The following SLC6A11 variants were observed in gnomAD, a reference collection of about 807,000 sequenced individuals.
SLC6A11 encodes the protein solute carrier family 6 member 11.
SLC6A11 carries 25 observed loss-of-function variants against 74.8 expected under a neutral mutation model. The ratio of observed to expected loss-of-function variants is 0.33; its 90% confidence interval spans 0.24 to 0.47. SLC6A11 has a LOEUF of 0.47. Ranked by LOEUF, SLC6A11 falls within the 20% of genes least tolerant of loss-of-function variation. The pLI is 1.00. For synonymous variants in SLC6A11, 330 were observed against 330.2 expected, an observed-to-expected ratio of 1.00 and a Z score of 0.01; for missense variants, 574 against 837.0, an observed-to-expected ratio of 0.69 and a Z score of 3.88.
chr3:10,915,808 G>A lies in SLC6A11; in HGVS notation c.996-2521G>A, dbSNP rs1465518660. ...GGAAGTCACTCAACAGACCTGTGCA[G>A]GAAGATGGGAATTTTTTAACAAGGG... On this transcript the variant is annotated intron_variant, in intron 7 of 13. Transcript: ENST00000254488. The surrounding 1 kb of genome is among the most constrained non-coding windows in gnomAD (Gnocchi z 4.3). 6.6e-6 allele frequency among the ~76,000 whole-genome samples: 1 copy of A among 152,218 alleles called. No individual in the cohort carries two copies. The highest frequency in any genetic ancestry group is 1.5e-5 in the Non-Finnish European group (1 of 68,052).
At chr3:10,862,259 A>G (rs1432274627) in intron 5 of SLC6A11, among the ~76,000 whole-genome samples, 1 of 152,182 alleles carries the variant, frequency 6.6e-6, no homozygotes, top group East Asian at 1.9e-4. Context: ...CAGGCAGTAA[A>G]TAATAACTCC....
At position 10,873,191 on chromosome 3, in the gene SLC6A11, G is replaced by C. The variant is rs190757999; in HGVS notation, c.757-1770G>C. Reference sequence around the variant, plus strand: ...TCTTGTGCGAGGAAGCTCAGAGGAGGTTTGTGTCTTTCACTGTCTTGATTC... The same window carrying C: ...TCTTGTGCGAGGAAGCTCAGAGGAGCTTTGTGTCTTTCACTGTCTTGATTC... On this transcript the variant is annotated intron_variant, in intron 5 of 13. Transcript: ENST00000254488. 2.4e-3 allele frequency among the ~76,000 whole-genome samples: 359 copies of C among 152,302 alleles called. 1 individual carries two copies. The highest frequency in any genetic ancestry group is 8.2e-3 in the African/African-American group (342 of 41,550).
chr3:10,916,575 A>G (rs944655285), intron 7 of SLC6A11, among the ~76,000 whole-genome samples: 2 of 152,186 alleles, frequency 1.3e-5, no homozygotes, highest in African/African-American at 4.8e-5. Context: ...TCTCATAGAA[A>G]ATCACAGAAA....
intron 13 of SLC6A11, among the ~76,000 whole-genome samples, chr3:10,936,131 C>CA (rs1370796987): frequency 2.0e-5 from 3 of 152,230 alleles, no homozygotes; most frequent in African/African-American, 7.2e-5. Context: ...GTAAACAGCA[C>CA]AGGGTGTTTG....
At chr3:10,919,121 G>C (rs1695499967) in intron 8 of SLC6A11, among the ~76,000 whole-genome samples, 1 of 152,062 alleles carries the variant, frequency 6.6e-6, no homozygotes, top group South Asian at 2.1e-4. Flanking sequence ...TCTAGACATA[G>C]AATCACCATG....
rs1455814502 is a variant in SLC6A11 at position 10,912,428 on chromosome 3, G to A, written c.995+235G>A. On this transcript the variant is annotated intron_variant, in intron 7 of 13. Coordinates refer to ENST00000254488, the MANE Select transcript of SLC6A11 (RefSeq NM_014229.3). ...GCAAAGCCAATCCCCCACCACTACC[G>A]GCATCTCATTCAGGTCTCAGTGCCA... 2.6e-5 allele frequency among the ~76,000 whole-genome samples: 4 copies of A among 152,114 alleles called. No homozygotes were observed. The East Asian group carries it at 7.7e-4, about 29-fold the overall frequency.
In SLC6A11 at chr3:10,915,288, C is replaced by G. The variant is rs1212296985; in HGVS notation, c.996-3041C>G. 6.6e-6 allele frequency among the ~76,000 whole-genome samples: 1 copy of G among 152,192 alleles called. No homozygotes were observed. The highest frequency in any genetic ancestry group is 2.4e-5 in the African/African-American group (1 of 41,444). On this transcript the variant is annotated intron_variant, in intron 7 of 13. Coordinates refer to ENST00000254488, the MANE Select transcript of SLC6A11 (RefSeq NM_014229.3). This position sits in a 1 kb window ranked among gnomAD's most constrained non-coding sequence, Gnocchi z 4.3. Reference sequence around the variant, plus strand: ...CCACTGAGTGCGTGGAGGATGTATGCTGTCAGCCATGGGTCCCTTCTGCTT... The same window carrying G: ...CCACTGAGTGCGTGGAGGATGTATGGTGTCAGCCATGGGTCCCTTCTGCTT...
chr3:10,930,514 G>A (rs1310316871), intron 10 of SLC6A11, among the ~76,000 whole-genome samples: 1 of 152,100 alleles, frequency 6.6e-6, no homozygotes, highest in Non-Finnish European at 1.5e-5. Context: ...TAAATGGTAC[G>A]GTGCTTCCCA....
At chr3:10,928,424 T>C (rs1219313757) in intron 9 of SLC6A11, among the ~76,000 whole-genome samples, 1 of 152,088 alleles carries the variant, frequency 6.6e-6, no homozygotes, top group Non-Finnish European at 1.5e-5. Context: ...AGGAAAAGGT[T>C]CATGCAGATC....
intron 11 of SLC6A11, 137 bp from the exon 12 acceptor site, chr3:10,933,929 G>A (rs1695723847): frequency 1.6e-6 from 1 of 613,858 alleles, no homozygotes; most frequent in Non-Finnish European, 3.0e-6. Context: ...CTCGGTCGTT[G>A]TTTAAGCAGT....
intron 1 of SLC6A11, among the ~76,000 whole-genome samples, chr3:10,817,529 T>G (rs1426318075): frequency 6.6e-6 from 1 of 152,158 alleles, no homozygotes; most frequent in Non-Finnish European, 1.5e-5. Flanking sequence ...GCACAATTTC[T>G]CGAAGGAAGA....
intron 6 of SLC6A11, among the ~76,000 whole-genome samples, chr3:10,897,845 C>T (rs184033178): frequency 7.2e-5 from 11 of 152,366 alleles, no homozygotes; most frequent in African/African-American, 2.6e-4. Context: ...CCTGTCTGCA[C>T]TGCCTTAGCA....
At chr3:10,850,301 A>G (rs913758411) in intron 5 of SLC6A11, among the ~76,000 whole-genome samples, 16 of 152,176 alleles carry the variant, frequency 1.1e-4, no homozygotes, top group Non-Finnish European at 2.2e-4. Flanking sequence ...CAAATGGGAT[A>G]TTTCCCATGT....
Position 10,898,500 on chromosome 3 carries a change from A to G in SLC6A11, c.892-13590A>G, listed in dbSNP as rs144441775. ...ACCCTAAATCATCTCTCTTAAGTTC[A>G]AAGTTCCACAAATATCTAGGACAGT... On this transcript the variant is annotated intron_variant, in intron 6 of 13. Transcript: ENST00000254488. Among the ~76,000 whole-genome samples, 202 of 152,358 alleles carry G rather than the reference A, an allele frequency of 1.3e-3. 1 individual carries two copies. Among genetic ancestry groups the G allele is most frequent in the African/African-American group, 4.5e-3 (189 of 41,576 alleles).
chr3:10,863,441 A>G (rs977743033), intron 5 of SLC6A11, among the ~76,000 whole-genome samples: 1 of 152,218 alleles, frequency 6.6e-6, no homozygotes, highest in African/African-American at 2.4e-5. Context: ...TCCCCATTTT[A>G]TAGAAGAGAA....
chr3:10,915,123 C>T lies in SLC6A11; in HGVS notation c.995+2930C>T, dbSNP rs1695438471. Among the ~76,000 whole-genome samples the T allele has an allele frequency of 6.6e-6, 1 of 152,184 alleles. No homozygotes were observed. The highest frequency in any genetic ancestry group is 1.5e-5 in the Non-Finnish European group (1 of 68,032). ...GCCACAGATGGAGCGTGGCTTTTCA[C>T]CTGAGTCTTCCTGGCTCTTGCACCC... On this transcript the variant is annotated intron_variant, in intron 7 of 13. Coordinates refer to ENST00000254488, the MANE Select transcript of SLC6A11 (RefSeq NM_014229.3). This position sits in a 1 kb window ranked among gnomAD's most constrained non-coding sequence, Gnocchi z 4.3.
Position 10,816,647 on chromosome 3 carries a change from C to A in SLC6A11, c.256+126C>A. 1 of 1,020,766 alleles carries A rather than the reference C, an allele frequency of 9.8e-7. No individual in the cohort carries two copies. 63.2% of individuals were successfully genotyped at this position (1,020,766 alleles called of 1,614,324 possible). A position where few individuals can be genotyped will look rare whatever the true frequency, so the allele number is the denominator to read the frequency against. ...GGAACCCGAGCGGAGAACCTCGACTCCAGGCACCTCGCGTGTGAGCTCGCC... is the reference window on the plus strand; with the variant it reads ...GGAACCCGAGCGGAGAACCTCGACTACAGGCACCTCGCGTGTGAGCTCGCC... On this transcript the variant is annotated intron_variant, in intron 1 of 13. Transcript: ENST00000254488. This position sits in a 1 kb window ranked among gnomAD's most constrained non-coding sequence, Gnocchi z 4.2.
chr3:10,888,700 G>T (rs1432236308), intron 6 of SLC6A11, among the ~76,000 whole-genome samples: 1 of 152,202 alleles, frequency 6.6e-6, no homozygotes, highest in Non-Finnish European at 1.5e-5. Flanking sequence ...ATGTTGCCAC[G>T]GCAGGGGCTG....
At position 10,911,728 on chromosome 3, in the gene SLC6A11, G is replaced by T. The variant is rs117971667; in HGVS notation, c.892-362G>T. Among the ~76,000 whole-genome samples, 4 of 152,256 alleles carry T rather than the reference G, an allele frequency of 2.6e-5. No homozygotes were observed. In the East Asian group the frequency reaches 7.7e-4, roughly 29 times the overall value. On this transcript the variant is annotated intron_variant, in intron 6 of 13. Transcript: ENST00000254488. ...TGCATGAATCCTTGCAACAGTCCTG[G>T]TAGGGAAGTTTCTTCCCTACTTTGC... is the stretch of plus-strand genomic sequence containing the variant.
Sources: allele counts gnomAD v4.1 joint callset (sites outside exome capture counted in the v4.1 genomes callset), GRCh38; gene constraint gnomAD v4.1.1; non-coding constraint Gnocchi (gnomAD v3.1); transcripts MANE v1.5; gene names NCBI Gene and HGNC (gene_info 2026-07-23, HGNC 2026-07-21).